Variants in PRKN observed in about 807,000 individuals in gnomAD.
PRKN encodes E3 ubiquitin-protein ligase parkin.
A neutral mutation model predicts 59.5 loss-of-function variants in PRKN; 56 were observed. That is an observed-to-expected ratio of 0.94 (90% CI 0.76 to 1.18). PRKN has a LOEUF of 1.18. Among genes scored for constraint, PRKN ranks in the 50% most tolerant of loss-of-function variants. PRKN has a pLI of 0.00. For missense variants in PRKN, 657 were observed against 596.4 expected, an observed-to-expected ratio of 1.10 and a Z score of -1.06; for synonymous variants, 250 against 222.1, an observed-to-expected ratio of 1.13 and a Z score of -1.12.
chr6:162,302,457 A>C (rs564504000), intron 2 of PRKN, among the ~76,000 whole-genome samples: 4 of 152,284 alleles, frequency 2.6e-5, no homozygotes, highest in African/African-American at 9.6e-5. Context: ...AAATTCAACA[A>C]GAAACAGATT....
intron 1 of PRKN, among the ~76,000 whole-genome samples, chr6:162,651,348 C>T (rs1317275198): frequency 6.6e-6 from 1 of 152,186 alleles, no homozygotes; most frequent in African/African-American, 2.4e-5. Flanking sequence ...CCGTAACACA[C>T]TTACGTGGAA....
rs1044585209 is a variant in PRKN, at chr6:161,578,096, G to A, written c.872-8680C>T. 6.6e-6 allele frequency among the ~76,000 whole-genome samples: 1 copy of A among 152,096 alleles called. No individual in the cohort carries two copies. The highest frequency in any genetic ancestry group is 1.5e-5 in the Non-Finnish European group (1 of 68,038). ...ACGCACACCAACAAACCAAGTAGAT[G>A]TAGAAAGAGCCAAGTGAGCAGAGAG... On this transcript the variant is annotated intron_variant, in intron 7 of 11. Coordinates refer to ENST00000366898, the MANE Select transcript of PRKN (RefSeq NM_004562.3). The surrounding 1 kb of genome is among the most constrained non-coding windows in gnomAD (Gnocchi z 4.2).
chr6:162,485,499 A>T (rs190100356), intron 1 of PRKN, among the ~76,000 whole-genome samples: 56 of 152,324 alleles, frequency 3.7e-4, no homozygotes, highest in Non-Finnish European at 4.3e-4. Flanking sequence ...TACAGCAGAA[A>T]GCCAAAATAA....
chr6:162,235,172 A>G (rs1422962363), intron 3 of PRKN, among the ~76,000 whole-genome samples: 1 of 152,204 alleles, frequency 6.6e-6, no homozygotes, highest in Non-Finnish European at 1.5e-5. Flanking sequence ...TGAAGAACCA[A>G]AACTTACCAC....
chr6:162,172,278 T>C (rs1178422966), intron 4 of PRKN, among the ~76,000 whole-genome samples: 1 of 152,120 alleles, frequency 6.6e-6, no homozygotes, highest in East Asian at 1.9e-4. Flanking sequence ...TACCCAGGGA[T>C]GGGAGATGGG....
intron 1 of PRKN, among the ~76,000 whole-genome samples, chr6:162,544,563 A>G (rs1026834968): frequency 3.3e-5 from 5 of 152,122 alleles, no homozygotes; most frequent in African/African-American, 1.2e-4. Flanking sequence ...TTACTTTGCC[A>G]GATAATCAGT....
intron 6 of PRKN, among the ~76,000 whole-genome samples, chr6:161,878,320 AACTC>A (rs1216051151): frequency 6.6e-6 from 1 of 152,138 alleles, no homozygotes; most frequent in Non-Finnish European, 1.5e-5. Context: ...TCAAAATGGA[AACTC>A]ACTCATATAA....
rs1562383605 is a variant in PRKN at position 161,347,606 on chromosome 6, C to CCTTTTTG, written c.*2492_*2493insCAAAAAG. On this transcript the variant is annotated 3_prime_UTR_variant, in exon 12 of 12. Transcript: ENST00000366898. ...TGTTCATGTGTAGTGGATGATCTTGCTTTTTTGTTTTTGTTTTTTTTTTTT... is the reference window on the plus strand; with the variant it reads ...TGTTCATGTGTAGTGGATGATCTTGCCTTTTTGTTTTTTGTTTTTGTTTTTTTTTTTT... The CCTTTTTG allele has an allele frequency of 7.4e-6, 1 of 134,762 alleles. No homozygotes were observed. Among genetic ancestry groups the CCTTTTTG allele is most frequent in the Non-Finnish European group, 1.6e-5 (1 of 62,992 alleles). 8.3% of individuals were successfully genotyped at this position (134,762 alleles called of 1,614,324 possible).
At position 161,548,705 on chromosome 6, in the gene PRKN, G is replaced by T; in HGVS notation, c.1083+149C>A. On this transcript the variant is annotated intron_variant, in intron 9 of 11. Coordinates refer to ENST00000366898, the MANE Select transcript of PRKN (RefSeq NM_004562.3). The surrounding 1 kb of genome is among the most constrained non-coding windows in gnomAD (Gnocchi z 4.2). ...TTTTCAAATCTGGAGTCCTATAAAG[G>T]AATTTAAAATCTATTTTCTTATATG... The T allele has an allele frequency of 2.7e-6, 2 of 746,694 alleles. No homozygotes were observed. Among genetic ancestry groups the T allele is most frequent in the Non-Finnish European group, 4.5e-6 (2 of 444,522 alleles). The allele number at this position is 746,694 out of a possible 1,614,324, so 46.3% of individuals were successfully genotyped here.
chr6:161,780,751 C>T (rs138939582), intron 7 of PRKN, among the ~76,000 whole-genome samples: 1 of 152,050 alleles, frequency 6.6e-6, no homozygotes, highest in Non-Finnish European at 1.5e-5. Context: ...CAGAAGCTAA[C>T]GAGAGTAGGG....
intron 5 of PRKN, among the ~76,000 whole-genome samples, chr6:162,042,450 A>AT (rs11459736): frequency 0.39 from 57,654 of 147,774 alleles, 11,580 homozygotes; most frequent in East Asian, 0.75. Flanking sequence ...TACCCAGCTA[A>AT]TTTTTTTTTT....
chr6:161,599,734 G>T (rs1008260935), intron 7 of PRKN, among the ~76,000 whole-genome samples: 1 of 152,092 alleles, frequency 6.6e-6, no homozygotes, highest in African/African-American at 2.4e-5. Context: ...GATAGGGATG[G>T]GGTAACATAA....
intron 4 of PRKN, among the ~76,000 whole-genome samples, chr6:162,123,261 T>C (rs1399410325): frequency 6.6e-6 from 1 of 152,112 alleles, no homozygotes; most frequent in African/African-American, 2.4e-5. Flanking sequence ...CAATAAAGAT[T>C]AAACTGTTGG....
intron 9 of PRKN, among the ~76,000 whole-genome samples, chr6:161,441,967 T>G (rs1789258216): frequency 6.6e-6 from 1 of 152,180 alleles, no homozygotes; most frequent in Non-Finnish European, 1.5e-5. Context: ...CTCATGCCAA[T>G]CAGCCCAGCA....
chr6:161,986,373 G>A (rs913070423), intron 5 of PRKN, among the ~76,000 whole-genome samples: 10 of 152,070 alleles, frequency 6.6e-5, no homozygotes, highest in African/African-American at 2.4e-4. Flanking sequence ...CCTAGGTGAA[G>A]CTAAAAACCC....
intron 7 of PRKN, among the ~76,000 whole-genome samples, chr6:161,721,003 T>C (rs2128185291): frequency 6.6e-6 from 1 of 152,312 alleles, no homozygotes; most frequent in East Asian, 1.9e-4. Context: ...TCTAGAGGAA[T>C]ATCATGGAAA....
intron 1 of PRKN, among the ~76,000 whole-genome samples, chr6:162,515,014 C>T (rs1777785551): frequency 6.6e-6 from 1 of 151,614 alleles, no homozygotes; most frequent in Non-Finnish European, 1.5e-5. Flanking sequence ...ACTAGAGACT[C>T]TCCTATATTT....
Position 161,764,415 on chromosome 6 carries a change from T to C in PRKN, c.871+21357A>G, listed in dbSNP as rs1321717180. 9.8e-5 allele frequency among the ~76,000 whole-genome samples: 15 copies of C among 152,308 alleles called. No homozygotes were observed. In the East Asian group the frequency reaches 2.7e-3, roughly 27 times the overall value. ...TATCTGACATTTTAAGGACACACTT[T>C]ATAAATTGTAGAGGCCTATGCAACC... is the stretch of plus-strand genomic sequence containing the variant. On this transcript the variant is annotated intron_variant, in intron 7 of 11. Transcript: ENST00000366898.
chr6:161,965,899 T>C lies in PRKN; in HGVS notation c.734+7403A>G, dbSNP rs186991855. Among the ~76,000 whole-genome samples, 17 of 152,144 alleles carry C rather than the reference T, an allele frequency of 1.1e-4. No individual in the cohort carries two copies. The East Asian group carries it at 2.3e-3, about 21-fold the overall frequency. ...TTATAATGGCTACCCTTAGAGACAA[T>C]AGAGGACAAATGTCTCCTATTCAGA... On this transcript the variant is annotated intron_variant, in intron 6 of 11. Transcript: ENST00000366898.
Sources: allele counts gnomAD v4.1 joint callset (sites outside exome capture counted in the v4.1 genomes callset), GRCh38; gene constraint gnomAD v4.1.1; non-coding constraint Gnocchi (gnomAD v3.1); transcripts MANE v1.5; gene names NCBI Gene and HGNC (gene_info 2026-07-23, HGNC 2026-07-21).